Variants in SAMD5 observed in about 807,000 individuals in gnomAD.
The protein encoded by SAMD5 is sterile alpha motif domain-containing protein 5.
In SAMD5, 13 loss-of-function variants were observed where a neutral mutation model predicts 11.3. That is an observed-to-expected ratio of 1.15 (90% CI 0.75 to 1.83). The LOEUF (loss-of-function observed/expected upper bound fraction) is 1.83. SAMD5 is among the 40% of genes most tolerant of loss of function. SAMD5 has a pLI of 0.00. For missense variants in SAMD5, 255 were observed against 239.1 expected (o/e 1.07, Z -0.44); for synonymous variants, 129 against 111.3 (o/e 1.16, Z -1.00).
intron 1 of SAMD5, among the ~76,000 whole-genome samples, chr6:147,537,688 G>A (rs1424551025): frequency 2.7e-5 from 4 of 150,080 alleles, no homozygotes; most frequent in South Asian, 2.1e-4. Flanking sequence ...CCCGGGAGGC[G>A]GAGCTTGCAG....
the SAMD5 span, among the ~76,000 whole-genome samples, chr6:147,896,421 C>A: frequency 2.0e-5 from 3 of 151,994 alleles, no homozygotes; most frequent in African/African-American, 7.3e-5. Context: ...TGCCTGTGGA[C>A]TTGAAGGAAG....
the SAMD5 span, among the ~76,000 whole-genome samples, chr6:147,788,271 T>G: frequency 1.3e-5 from 2 of 152,242 alleles, no homozygotes; most frequent in African/African-American, 4.8e-5. Context: ...GCTACCTACA[T>G]TATTTTGAAA....
chr6:147,578,081 T>C (rs844625), intron 1 of SAMD5, among the ~76,000 whole-genome samples: 108,980 of 152,040 alleles, frequency 0.72, 39,391 homozygotes, highest in African/African-American at 0.8. Context: ...TTTACAAAGC[T>C]CACTTTCCAA....
At chr6:147,894,029 G>A in the SAMD5 span, among the ~76,000 whole-genome samples, 1 of 151,304 alleles carries the variant, frequency 6.6e-6, no homozygotes, top group Non-Finnish European at 1.5e-5. Context: ...TGACACAGGT[G>A]TACTTTATTT....
intron 1 of SAMD5, among the ~76,000 whole-genome samples, chr6:147,533,322 C>T (rs948976100): frequency 6.6e-6 from 1 of 151,728 alleles, no homozygotes; most frequent in Non-Finnish European, 1.5e-5. Context: ...CAAGGCCGGG[C>T]GCAGTGGCTC....
the SAMD5 span, among the ~76,000 whole-genome samples, chr6:147,852,362 T>C: frequency 1.5e-3 from 232 of 152,276 alleles, 1 homozygote; most frequent in Non-Finnish European, 2.5e-3. Flanking sequence ...TGCCACCAAT[T>C]AATAATATTG....
chr6:147,631,039 G>C (rs1790142393), intron 1 of SAMD5, among the ~76,000 whole-genome samples: 1 of 152,086 alleles, frequency 6.6e-6, no homozygotes, highest in Admixed American at 6.5e-5. Context: ...TGTGGGGGTG[G>C]TATGGAGAGA....
chr6:147,684,833 G>A (rs1200076559), intron 1 of SAMD5, among the ~76,000 whole-genome samples: 2 of 151,778 alleles, frequency 1.3e-5, no homozygotes, highest in Non-Finnish European at 2.9e-5. Flanking sequence ...AATTGTTCTG[G>A]GTCCTTTAAA....
At chr6:147,833,212 T>C in the SAMD5 span, among the ~76,000 whole-genome samples, 2 of 152,244 alleles carry the variant, frequency 1.3e-5, no homozygotes, top group Admixed American at 6.5e-5. Context: ...CATATTTCCC[T>C]GTACCTGCAG....
At chr6:147,517,246 G>T (rs575557539) in intron 1 of SAMD5, among the ~76,000 whole-genome samples, 1 of 152,356 alleles carries the variant, frequency 6.6e-6, no homozygotes, top group South Asian at 2.1e-4. Flanking sequence ...TGCTGGAGAG[G>T]TAGGACAGTG....
the SAMD5 span, among the ~76,000 whole-genome samples, chr6:147,875,167 A>G: frequency 6.6e-6 from 1 of 152,164 alleles, no homozygotes; most frequent in Non-Finnish European, 1.5e-5. Flanking sequence ...TTTAACACTA[A>G]TTCTATACTT....
chr6:147,934,185 T>C, the SAMD5 span, among the ~76,000 whole-genome samples: 2 of 152,242 alleles, frequency 1.3e-5, no homozygotes, highest in Non-Finnish European at 2.9e-5. Context: ...CTTTGTTGCC[T>C]TCACTGATTA....
chr6:147,753,004 G>A, the SAMD5 span, among the ~76,000 whole-genome samples: 1 of 152,184 alleles, frequency 6.6e-6, no homozygotes, highest in African/African-American at 2.4e-5. Context: ...CCCTAGAGCA[G>A]TAAACTGTCA....
chr6:147,895,509 G>A, the SAMD5 span, among the ~76,000 whole-genome samples: 11 of 152,324 alleles, frequency 7.2e-5, no homozygotes, highest in East Asian at 2.1e-3. Flanking sequence ...GAGTGAGGGA[G>A]ACTGTCCAAG....
chr6:147,885,785 G>T, the SAMD5 span, among the ~76,000 whole-genome samples: 403 of 152,316 alleles, frequency 2.6e-3, 1 homozygote, highest in African/African-American at 9.4e-3. Flanking sequence ...TTGGAGCAAT[G>T]ATCATGGTGA....
the SAMD5 span, among the ~76,000 whole-genome samples, chr6:147,895,205 A>G: frequency 6.6e-6 from 1 of 152,138 alleles, no homozygotes; most frequent in East Asian, 1.9e-4. Flanking sequence ...ATGTATTGTC[A>G]TTTAGAGGTG....
intron 1 of SAMD5, among the ~76,000 whole-genome samples, chr6:147,630,451 AAAATGGCCGG>A (rs1156313739): frequency 1.2e-4 from 18 of 152,132 alleles, no homozygotes; most frequent in African/African-American, 4.3e-4. Flanking sequence ...AAAATAAGTG[AAAATGGCCGG>A]TTCCTGCCTT....
the SAMD5 span, among the ~76,000 whole-genome samples, chr6:147,745,320 T>C: frequency 6.6e-6 from 1 of 152,176 alleles, no homozygotes; most frequent in South Asian, 2.1e-4. Context: ...TCTATATGTT[T>C]GAAAATTTCC....
At chr6:147,730,181 G>T in intron 1 of SAMD5, 1 of 410,574 alleles carries the variant, frequency 2.4e-6, no homozygotes, top group African/African-American at 2.1e-5. Flanking sequence ...AAGAGCCTTG[G>T]GGGCATGCCT....
Sources: gnomAD v4.1 joint callset for allele counts (sites outside exome capture counted in the v4.1 genomes callset) on GRCh38, gnomAD v4.1.1 for gene constraint, MANE v1.5 for transcripts, NCBI Gene and HGNC (gene_info 2026-07-23, HGNC 2026-07-21) for gene names.